SCARB2: variants seen among roughly 807,000 people sequenced by gnomAD.
SCARB2 encodes scavenger receptor class B member 2.
SCARB2 carries 29 observed loss-of-function variants against 58.6 expected under a neutral mutation model. The ratio of observed to expected loss-of-function variants is 0.49; its 90% CI spans 0.37 to 0.67. SCARB2 has a LOEUF of 0.67. Ranked by LOEUF, SCARB2 falls within the 30% of genes least tolerant of loss-of-function variation. The probability of loss-of-function intolerance (pLI) is 0.00; values close to 1 mark genes in which losing one functional copy is unlikely to be tolerated. For synonymous variants in SCARB2, 195 were observed against 210.1 expected, an observed-to-expected ratio of 0.93 and a Z score of 0.62; for missense variants, 488 against 578.5, an observed-to-expected ratio of 0.84 and a Z score of 1.60.
rs1732200885 is a variant in SCARB2, at chr4:76,174,324, G to A, written c.825-11C>T. On this transcript the variant is annotated splice_polypyrimidine_tract_variant and intron_variant, in intron 6 of 11. Transcript: ENST00000264896. ...GTAATATACACTGACCTGTTAGGAT[G>A]TAAGAATAAAAAGTGAATGTGGACT... is the stretch of plus-strand genomic sequence containing the variant. 6.2e-7 allele frequency: 1 copy of A among 1,613,654 alleles called. No homozygotes were observed. The highest frequency in any genetic ancestry group is 8.5e-7 in the Non-Finnish European group (1 of 1,179,608).
chr4:76,213,818 G>C lies in SCARB2; in HGVS notation c.-275C>G. ...CGTGGCGCCCGCCTAGCGCAGCTCG[G>C]GAGAGTGCAGGGAGCGCGCAGGGAC... On this transcript the variant is annotated 5_prime_UTR_variant, in exon 1 of 12. Coordinates refer to ENST00000264896, the MANE Select transcript of SCARB2 (RefSeq NM_005506.4). The C allele has an allele frequency of 3.0e-6, 1 of 331,212 alleles. No individual in the cohort carries two copies. Among genetic ancestry groups the C allele is most frequent in the Non-Finnish European group, 5.5e-6 (1 of 182,626 alleles). The allele number at this position is 331,212 out of a possible 1,614,324, so 20.5% of individuals were successfully genotyped here.
chr4:76,211,014 C>A (rs1733032977), intron 1 of SCARB2, among the ~76,000 whole-genome samples: 1 of 152,158 alleles, frequency 6.6e-6, no homozygotes, highest in African/African-American at 2.4e-5. Flanking sequence ...TGAATGAATT[C>A]TCCCATAGTA....
intron 2 of SCARB2, among the ~76,000 whole-genome samples, chr4:76,190,009 CT>C (rs796495594): frequency 0.054 from 7,239 of 134,578 alleles, 451 homozygotes; most frequent in African/African-American, 0.18. Context: ...ATACTTGACA[CT>C]TTTTTTTTTT....
chr4:76,175,649 C>G (rs1578720562), intron 6 of SCARB2, 142 bp downstream of exon 6: 1 of 979,280 alleles, frequency 1.0e-6, no homozygotes, highest in Non-Finnish European at 1.6e-6. Flanking sequence ...TATACTGTCT[C>G]GATGTGCCAT....
chr4:76,229,860 G>C lies in SCARB2; in HGVS notation c.-358+4443C>G, dbSNP rs1398186240. 4.6e-5 allele frequency among the ~76,000 whole-genome samples: 7 copies of C among 152,296 alleles called. No individual in the cohort carries two copies. In the East Asian group the frequency reaches 1.3e-3, roughly 29 times the overall value. ...TTATGTGGACAGACCCAGGCCATCTGGTTAGCCATGATGTTGCAGGCAGTG... is the reference window on the plus strand; with the variant it reads ...TTATGTGGACAGACCCAGGCCATCTCGTTAGCCATGATGTTGCAGGCAGTG... On this transcript the variant is annotated intron_variant, in intron 1 of 11. Coordinates refer to the SCARB2 transcript ENST00000638295.
At chr4:76,202,168 TTAC>T (rs1732840049) in intron 1 of SCARB2, among the ~76,000 whole-genome samples, 1 of 152,242 alleles carries the variant, frequency 6.6e-6, no homozygotes, top group Non-Finnish European at 1.5e-5. Flanking sequence ...GCAGATAACA[TTAC>T]TACAAATGTG....
intron 1 of SCARB2, among the ~76,000 whole-genome samples, chr4:76,229,662 A>T (rs1401494661): frequency 1.3e-5 from 2 of 152,180 alleles, no homozygotes; most frequent in Middle Eastern, 3.2e-3. Context: ...TGGTGCTGAG[A>T]AATACCTGAT....
intron 5 of SCARB2, chr4:76,176,170 C>G: frequency 1.7e-6 from 1 of 603,498 alleles, no homozygotes; most frequent in Non-Finnish European, 2.9e-6. Flanking sequence ...TACTACACAT[C>G]ACTCAATGAC....
chr4:76,175,972 A>T (rs1732244150), intron 5 of SCARB2, 62 bp from the exon 6 acceptor site: 1 of 1,599,610 alleles, frequency 6.3e-7, no homozygotes, highest in Non-Finnish European at 8.5e-7. Context: ...ATTCTCTTAA[A>T]TGGTCAGGAC....
upstream of SCARB2, among the ~76,000 whole-genome samples, chr4:76,216,406 G>A (rs1733208551): frequency 1.3e-5 from 2 of 152,240 alleles, no homozygotes; most frequent in African/African-American, 2.4e-5. Context: ...CTCTCTGACT[G>A]CTACAATCAG....
At chr4:76,231,507 G>T in intron 1 of SCARB2, among the ~76,000 whole-genome samples, 1 of 147,034 alleles carries the variant, frequency 6.8e-6, no homozygotes, top group East Asian at 2.0e-4. Flanking sequence ...TTTCTCACTC[G>T]CCAGTCCTCA....
At chr4:76,197,943 A>T (rs1732748296) in intron 1 of SCARB2, among the ~76,000 whole-genome samples, 1 of 152,018 alleles carries the variant, frequency 6.6e-6, no homozygotes, top group South Asian at 2.1e-4. Context: ...GTAGCATGTT[A>T]TGGATAGACC....
At chr4:76,228,454 G>A (rs1347552490) in intron 1 of SCARB2, among the ~76,000 whole-genome samples, 1 of 151,442 alleles carries the variant, frequency 6.6e-6, no homozygotes, top group African/African-American at 2.4e-5. Flanking sequence ...ACTCCAGCCT[G>A]GGCGATGGAG....
In SCARB2 at chr4:76,163,236, A is replaced by G; in HGVS notation, c.1387T>C (p.Ser463Pro). ...CAGCCAGTTCTCACCTCATCCATGGATCCCTGTCCTTTGCATGCAAGCCAG... is the reference window on the plus strand; with the variant it reads ...CAGCCAGTTCTCACCTCATCCATGGGTCCCTGTCCTTTGCATGCAAGCCAG... ...FTWLACKGQG[S>P]MDEGTADERA... The change falls in exon 11 of 12, where the codon TCC becomes CCC. Residue 463 changes from serine (S) to proline (P), a missense_variant. Physicochemically the swap from Ser to Pro is moderately conservative, Grantham distance 74. Coordinates refer to ENST00000264896, the MANE Select transcript of SCARB2 (RefSeq NM_005506.4). The G allele has an allele frequency of 6.2e-7, 1 of 1,614,158 alleles. No homozygotes were observed. Among genetic ancestry groups the G allele is most frequent in the South Asian group, 1.1e-5 (1 of 91,074 alleles).
upstream of SCARB2, chr4:76,214,464 G>A (rs1434119867): frequency 5.4e-6 from 2 of 368,004 alleles, no homozygotes; most frequent in South Asian, 2.0e-5. Flanking sequence ...AAAACCTGTA[G>A]GAAGCAAGAA....
rs1732246951 is a variant in SCARB2 at position 76,176,126 on chromosome 4, CAT to C, written c.705-218_705-217del. The C allele has an allele frequency of 1.7e-5, 11 of 629,476 alleles. 1 individual carries two copies. Among genetic ancestry groups the C allele is most frequent in the Middle Eastern group, 4.3e-4 (1 of 2,320 alleles). The allele number at this position is 629,476 out of a possible 1,614,324, so 39.0% of individuals were successfully genotyped here. On this transcript the variant is annotated intron_variant, in intron 5 of 11. Transcript: ENST00000264896. Reference sequence around the variant, plus strand: ...GAGGCAATGGCCAAATAGCCCAAAACATGTGGTGGTTTGAAAAGTATTTGTGC... The same window carrying C: ...GAGGCAATGGCCAAATAGCCCAAAACGTGGTGGTTTGAAAAGTATTTGTGC...
At position 76,161,663 on chromosome 4, in the gene SCARB2, G is replaced by A. The variant is rs761205042; in HGVS notation, c.*50C>T. ...AGGTGGAGGGTTTCCCCACGTCATC[G>A]TCCAGGTCAGGACAGCTCACACAGT... On this transcript the variant is annotated 3_prime_UTR_variant, in exon 12 of 12. Transcript: ENST00000264896. 6 of 1,601,424 alleles carry A rather than the reference G, an allele frequency of 3.7e-6. No homozygotes were observed. Among genetic ancestry groups the A allele is most frequent in the Non-Finnish European group, 5.1e-6 (6 of 1,168,502 alleles).
chr4:76,209,714 T>C (rs1323126656), intron 1 of SCARB2, among the ~76,000 whole-genome samples: 2 of 152,244 alleles, frequency 1.3e-5, no homozygotes, highest in Non-Finnish European at 2.9e-5. Context: ...AGAGTTTCTA[T>C]GGCTCCCAAA....
chr4:76,187,061 T>C (rs1023058995), intron 2 of SCARB2, among the ~76,000 whole-genome samples: 3 of 152,174 alleles, frequency 2.0e-5, no homozygotes, highest in African/African-American at 7.2e-5. Flanking sequence ...AAAGGGTTAA[T>C]AGGACAGAAT....
Sources: gnomAD v4.1 joint callset for allele counts (sites outside exome capture counted in the v4.1 genomes callset) on GRCh38, gnomAD v4.1.1 for gene constraint, MANE v1.5 for transcripts, NCBI Gene and HGNC (gene_info 2026-07-23, HGNC 2026-07-21) for gene names.